GALNTL6: variants seen among roughly 807,000 people sequenced by gnomAD.
The protein encoded by GALNTL6 is polypeptide N-acetylgalactosaminyltransferase-like 6.
GALNTL6 carries 46 observed loss-of-function variants against 73.7 expected under a neutral mutation model. The observed-to-expected ratio is 0.62, with a 90% confidence interval of 0.49 to 0.80. The LOEUF (loss-of-function observed/expected upper bound fraction) is 0.80, where lower values mean the gene tolerates loss of function less well. Among genes scored for constraint, GALNTL6 ranks in the 30% least tolerant of loss-of-function variants. The pLI is 0.00. For missense variants in GALNTL6, 604 were observed against 755.0 expected, an observed-to-expected ratio of 0.80 and a Z score of 2.34; for synonymous variants, 259 against 263.7, an observed-to-expected ratio of 0.98 and a Z score of 0.17.
intron 2 of GALNTL6, among the ~76,000 whole-genome samples, chr4:172,180,127 T>G (rs1735189084): frequency 6.6e-6 from 1 of 152,248 alleles, no homozygotes; most frequent in Non-Finnish European, 1.5e-5. Flanking sequence ...GACTTTTTAA[T>G]GATTGCCATT....
intron 5 of GALNTL6, among the ~76,000 whole-genome samples, chr4:172,771,634 T>C (rs1313878520): frequency 6.6e-6 from 1 of 152,204 alleles, no homozygotes; most frequent in African/African-American, 2.4e-5. Flanking sequence ...GAAGTCAACA[T>C]TTTTCTATGG....
intron 2 of GALNTL6, among the ~76,000 whole-genome samples, chr4:172,192,382 A>T (rs530533791): frequency 2.6e-5 from 4 of 152,246 alleles, no homozygotes; most frequent in African/African-American, 9.6e-5. Flanking sequence ...GAAATTCAGG[A>T]GGGACCCAGA....
At chr4:171,961,911 G>A (rs143755631) in intron 2 of GALNTL6, among the ~76,000 whole-genome samples, 29 of 152,244 alleles carry the variant, frequency 1.9e-4, no homozygotes, top group African/African-American at 6.7e-4. Flanking sequence ...TACTTATTTT[G>A]CTTCACTCTT....
At chr4:172,556,960 A>G (rs1004833709) in intron 5 of GALNTL6, among the ~76,000 whole-genome samples, 7 of 152,082 alleles carry the variant, frequency 4.6e-5, no homozygotes, top group African/African-American at 1.7e-4. Context: ...GTCTTTTTCT[A>G]TTATAGAGAT....
At chr4:172,086,188 G>A (rs888821617) in intron 2 of GALNTL6, among the ~76,000 whole-genome samples, 10 of 151,852 alleles carry the variant, frequency 6.6e-5, no homozygotes, top group Non-Finnish European at 1.2e-4. Flanking sequence ...TTTATGATTA[G>A]GTGTACACAT....
At chr4:172,308,228 TGA>T (rs1740223225) in intron 3 of GALNTL6, among the ~76,000 whole-genome samples, 1 of 151,438 alleles carries the variant, frequency 6.6e-6, no homozygotes, top group African/African-American at 2.4e-5. Flanking sequence ...GTTTTTTGGA[TGA>T]GTCTTTAGGG....
intron 2 of GALNTL6, among the ~76,000 whole-genome samples, chr4:172,030,837 T>C (rs565238211): frequency 6.6e-6 from 1 of 151,950 alleles, no homozygotes; most frequent in African/African-American, 2.4e-5. Flanking sequence ...CTTTAATGTG[T>C]TTTTATAATT....
Position 172,379,199 on chromosome 4 carries a change from T to C in GALNTL6, c.553+30510T>C, listed in dbSNP as rs1478312418. 2.0e-5 allele frequency among the ~76,000 whole-genome samples: 3 copies of C among 152,174 alleles called. No homozygotes were observed. The East Asian group carries it at 5.8e-4, about 29-fold the overall frequency. On this transcript the variant is annotated intron_variant, in intron 5 of 12. Transcript: ENST00000506823. ...CAATCAAGCTTGTCCATCTACAGCA[T>C]CTAAATAAAGTTAGACTTGGCTAGG...
In GALNTL6 at chr4:172,557,254, G is replaced by A. The variant is rs144087224; in HGVS notation, c.553+208565G>A. ...GTACCTCTGTTTCTTCATCTGTCAA[G>A]TGAAAGTACTTATAGTAGTTTCCTC... is the stretch of plus-strand genomic sequence containing the variant. On this transcript the variant is annotated intron_variant, in intron 5 of 12. Transcript: ENST00000506823. 9.0e-3 allele frequency among the ~76,000 whole-genome samples: 1,374 copies of A among 152,230 alleles called. 10 individuals carry two copies. The highest frequency in any genetic ancestry group is 0.017 in the Middle Eastern group (5 of 294).
At chr4:172,534,070 G>C (rs1735259591) in intron 5 of GALNTL6, among the ~76,000 whole-genome samples, 1 of 152,162 alleles carries the variant, frequency 6.6e-6, no homozygotes, top group Admixed American at 6.5e-5. Context: ...ACAAATAAAG[G>C]GTATAATGTG....
chr4:171,963,322 G>T (rs867877798), intron 2 of GALNTL6, among the ~76,000 whole-genome samples: 1 of 152,012 alleles, frequency 6.6e-6, no homozygotes, highest in African/African-American at 2.4e-5. Flanking sequence ...TCAATGCAAT[G>T]TAAGTTTACA....
intron 2 of GALNTL6, chr4:171,816,291 A>C (rs552437693): frequency 6.6e-6 from 1 of 152,214 alleles, no homozygotes; most frequent in African/African-American, 2.4e-5. Flanking sequence ...TTTATTAATG[A>C]GATTCTTACA....
intron 2 of GALNTL6, among the ~76,000 whole-genome samples, chr4:172,130,376 T>C (rs1208750495): frequency 6.6e-6 from 1 of 151,952 alleles, no homozygotes; most frequent in Admixed American, 6.6e-5. Context: ...ATTTTCCAGG[T>C]AATCTGTAAA....
At chr4:172,495,692 A>T (rs338007) in intron 5 of GALNTL6, among the ~76,000 whole-genome samples, 1 of 152,120 alleles carries the variant, frequency 6.6e-6, no homozygotes, top group African/African-American at 2.4e-5. Context: ...TTCAATCATC[A>T]ATGTGTAGAT....
chr4:171,887,507 C>T (rs1736637771), intron 2 of GALNTL6, among the ~76,000 whole-genome samples: 1 of 152,108 alleles, frequency 6.6e-6, no homozygotes, highest in South Asian at 2.1e-4. Flanking sequence ...GCAAGGAATA[C>T]TACTTGAAGA....
At chr4:172,465,443 C>T (rs995551398) in intron 5 of GALNTL6, among the ~76,000 whole-genome samples, 17 of 151,378 alleles carry the variant, frequency 1.1e-4, no homozygotes, top group Non-Finnish European at 2.2e-4. Flanking sequence ...AGCCACTGCA[C>T]TCCAGCTTGG....
intron 5 of GALNTL6, among the ~76,000 whole-genome samples, chr4:172,378,163 A>G (rs1040303831): frequency 3.3e-5 from 5 of 152,162 alleles, no homozygotes; most frequent in African/African-American, 4.8e-5. Context: ...CTGCTATATG[A>G]TATTCTGATA....
chr4:172,420,046 G>A (rs543219973), intron 5 of GALNTL6, among the ~76,000 whole-genome samples: 36 of 152,206 alleles, frequency 2.4e-4, no homozygotes, highest in East Asian at 3.9e-4. Flanking sequence ...TTTGGATATC[G>A]TACCATTATG....
chr4:172,432,949 A>C (rs1731509536), intron 5 of GALNTL6, among the ~76,000 whole-genome samples: 1 of 152,200 alleles, frequency 6.6e-6, no homozygotes, highest in Non-Finnish European at 1.5e-5. Context: ...AGCCAAGTAA[A>C]TTCATTTTGA....
Sources: gnomAD v4.1 joint callset for allele counts (sites outside exome capture counted in the v4.1 genomes callset) on GRCh38, gnomAD v4.1.1 for gene constraint, MANE v1.5 for transcripts, NCBI Gene and HGNC (gene_info 2026-07-23, HGNC 2026-07-21) for gene names.